Variants in SAMD14 observed in about 807,000 individuals in gnomAD.
SAMD14 encodes sterile alpha motif domain containing 14.
A neutral mutation model predicts 46.2 loss-of-function variants in SAMD14; 27 were observed. The ratio of observed to expected loss-of-function variants is 0.58; its 90% CI spans 0.43 to 0.81. The LOEUF is 0.81. Ranked by LOEUF, SAMD14 falls within the 30% of genes least tolerant of loss-of-function variation. The pLI is 0.00. For missense variants in SAMD14, 559 were observed against 582.2 expected (o/e 0.96, Z 0.41); for synonymous variants, 241 against 254.3 (o/e 0.95, Z 0.50).
In SAMD14 at chr17:50,115,337, A is replaced by G. The variant is rs182110268; in HGVS notation, c.822+227T>C. Among the ~76,000 whole-genome samples the G allele has an allele frequency of 5.6e-4, 86 of 152,364 alleles. No homozygotes were observed. Among genetic ancestry groups the G allele is most frequent in the African/African-American group, 2.0e-3 (82 of 41,590 alleles). The stretch of plus-strand genomic sequence containing the variant: ...CAGTGTTTAGTGATTTGTTGAATGC[A>G]TGAAGCATTGACTGAATCAAGGAAT... On this transcript the variant is annotated intron_variant, in intron 7 of 9. Transcript: ENST00000330175. The surrounding 1 kb of genome is among the most constrained non-coding windows in gnomAD (Gnocchi z 5.3).
At position 50,129,556 on chromosome 17, in the gene SAMD14, A is replaced by C. The variant is rs1598239248; in HGVS notation, c.-52T>G. The C allele has an allele frequency of 6.8e-6, 1 of 147,228 alleles. No homozygotes were observed. Among genetic ancestry groups the C allele is most frequent in the East Asian group, 2.0e-4 (1 of 4,962 alleles). 9.1% of individuals were successfully genotyped at this position (147,228 alleles called of 1,614,324 possible). A position where few individuals can be genotyped will look rare whatever the true frequency, so the allele number is the denominator to read the frequency against. ...ATCTTCAGCGTCTGGCGCCCCGGGA[A>C]CCCCTCAGGCCCATGGTGCTCGAGG... On this transcript the variant is annotated 5_prime_UTR_variant, in exon 1 of 10. Coordinates refer to ENST00000330175, the MANE Select transcript of SAMD14 (RefSeq NM_001257359.2). This position sits in a 1 kb window ranked among gnomAD's most constrained non-coding sequence, Gnocchi z 5.6.
intron 4 of SAMD14, 39 bp downstream of exon 4, chr17:50,117,368 G>A (rs888434816): frequency 4.1e-5 from 52 of 1,278,882 alleles, no homozygotes; most frequent in Non-Finnish European, 4.9e-5. Context: ...CTGCGCCCGG[G>A]AGCGACCAGC....
At chr17:50,117,745 G>A (rs756674510) in intron 3 of SAMD14, 50 bp from the exon 4 acceptor site, 3 of 1,386,190 alleles carry the variant, frequency 2.2e-6, no homozygotes, top group East Asian at 5.7e-5. Flanking sequence ...TCCCTTCCCG[G>A]AGGAGCTGGG....
chr17:50,125,401 T>C (rs141299248), intron 1 of SAMD14: 1 of 177,252 alleles, frequency 5.6e-6, no homozygotes, highest in South Asian at 1.3e-4. Context: ...AATCCTCTCA[T>C]GTTACAAATG....
intron 1 of SAMD14, among the ~76,000 whole-genome samples, chr17:50,126,527 G>A (rs1443919734): frequency 1.3e-5 from 2 of 151,900 alleles, no homozygotes; most frequent in Non-Finnish European, 2.9e-5. Context: ...GGATGGTCTT[G>A]ATCTCCTGAC....
At chr17:50,125,048 G>A in intron 1 of SAMD14, 77 bp from the exon 2 acceptor site, 2 of 1,347,384 alleles carry the variant, frequency 1.5e-6, no homozygotes, top group Non-Finnish European at 2.1e-6. Context: ...CAGAAGAGAT[G>A]TGGAAGGCTA....
In SAMD14 at chr17:50,110,041, G is replaced by A. The variant is rs781574883; in HGVS notation, c.*2852C>T. The A allele has an allele frequency of 5.0e-6, 8 of 1,610,924 alleles. No individual in the cohort carries two copies. Among genetic ancestry groups the A allele is most frequent in the Non-Finnish European group, 6.8e-6 (8 of 1,178,894 alleles). On this transcript the variant is annotated 3_prime_UTR_variant, in exon 10 of 10. Coordinates refer to ENST00000330175, the MANE Select transcript of SAMD14 (RefSeq NM_001257359.2). ...CTACCAGACCATCCAGGAGGCCGGC[G>A]ACTGGTGTGTGCCCAGCACGGAGCC... is the stretch of plus-strand genomic sequence containing the variant.
chr17:50,128,826 T>TG (rs1228370276), intron 1 of SAMD14, among the ~76,000 whole-genome samples: 1 of 134,488 alleles, frequency 7.4e-6, no homozygotes, highest in African/African-American at 2.8e-5. Context: ...ACACCGAGAG[T>TG]GGGGCCACGG....
At position 50,112,919 on chromosome 17, in the gene SAMD14, G is replaced by A. The variant is rs201680974; in HGVS notation, c.1228C>T (p.Arg410Ter). Residue 410 changes from arginine (R) to a stop codon, truncating the protein, a stop_gained, in exon 10 of 10, where the codon CGA becomes TGA. Coordinates refer to ENST00000330175, the MANE Select transcript of SAMD14 (RefSeq NM_001257359.2). LOFTEE classifies it high-confidence loss of function. ...TAGCTCTTCTTGGCCTCCTGCTCTC[G>A]GCGCCGGAGCTTCTCCCGCTGCCGC... ...AARQREKLRR[R>*]EQEAKKS The A allele has an allele frequency of 4.1e-5, 66 of 1,606,938 alleles. No homozygotes were observed. Among genetic ancestry groups the A allele is most frequent in the Admixed American group, 3.5e-4 (21 of 59,994 alleles).
intron 3 of SAMD14, 167 bp downstream of exon 3, chr17:50,117,993 AG>A: frequency 1.3e-6 from 1 of 780,188 alleles, no homozygotes; most frequent in Non-Finnish European, 2.0e-6. Flanking sequence ...TTCTTTACAC[AG>A]GATTAAATGA....
chr17:50,116,166 T>C, intron 4 of SAMD14, 76 bp from the exon 5 acceptor site: 4 of 1,528,820 alleles, frequency 2.6e-6, no homozygotes, highest in Non-Finnish European at 3.5e-6. Context: ...TGTGGGGTGG[T>C]AGAAATTCTC....
chr17:50,122,491 C>T lies in SAMD14; in HGVS notation c.43+2426G>A, dbSNP rs751496249. Reference sequence around the variant, plus strand: ...CAATCCTCTGCCCAGCACTCCCCACCGTCTAGTATGTTCCTTGTTTATTTG... The same window carrying T: ...CAATCCTCTGCCCAGCACTCCCCACTGTCTAGTATGTTCCTTGTTTATTTG... On this transcript the variant is annotated intron_variant, in intron 2 of 9. Transcript: ENST00000330175. 6.6e-5 allele frequency among the ~76,000 whole-genome samples: 10 copies of T among 152,256 alleles called. No individual in the cohort carries two copies. In the East Asian group the frequency reaches 9.6e-4, roughly 15 times the overall value.
At chr17:50,119,936 G>C (rs1598229158) in intron 2 of SAMD14, among the ~76,000 whole-genome samples, 1 of 152,004 alleles carries the variant, frequency 6.6e-6, no homozygotes, top group East Asian at 1.9e-4. Flanking sequence ...TGAACCCCTG[G>C]AGTCATTCTT....
At chr17:50,126,453 C>T (rs925356859) in intron 1 of SAMD14, among the ~76,000 whole-genome samples, 2 of 151,964 alleles carry the variant, frequency 1.3e-5, no homozygotes, top group Non-Finnish European at 2.9e-5. Context: ...TACAGTCGCC[C>T]ACCACCACGC....
intron 9 of SAMD14, chr17:50,113,276 C>T: frequency 3.8e-6 from 2 of 523,696 alleles, no homozygotes; most frequent in Non-Finnish European, 6.8e-6. Context: ...TTAGGCGCTT[C>T]CTCCTCCTCC....
At chr17:50,124,771 G>GCGCGCGCACACA (rs71353620) in intron 2 of SAMD14, 146 bp downstream of exon 2, 136 of 569,648 alleles carry the variant, frequency 2.4e-4, no homozygotes, top group East Asian at 8.6e-4. Flanking sequence ...ACGCGCGCGC[G>GCGCGCGCACACA]CACACACACA....
intron 2 of SAMD14, among the ~76,000 whole-genome samples, chr17:50,120,470 T>C (rs1911451443): frequency 6.6e-6 from 1 of 152,190 alleles, no homozygotes; most frequent in African/African-American, 2.4e-5. Context: ...CTAGCTGGTC[T>C]TCCTTCCGTC....
chr17:50,118,173 C>T lies in SAMD14; in HGVS notation c.198G>A (p.Gly66=). The T allele has an allele frequency of 1.9e-6, 3 of 1,598,284 alleles. No individual in the cohort carries two copies. The highest frequency in any genetic ancestry group is 1.7e-6 in the Non-Finnish European group (2 of 1,169,938). The change falls in exon 3 of 10, where the codon GGG becomes GGA. Residue 66 remains glycine, a synonymous_variant. Coordinates refer to ENST00000330175, the MANE Select transcript of SAMD14 (RefSeq NM_001257359.2). ...SSAEDGEGSD[G]PGGKVTDGCG... Reference sequence around the variant, plus strand: ...AACTTGCCCCAACCTTGCCTCCGGGCCCATCCGAGCCTTCACCATCCTCCG... The same window carrying T: ...AACTTGCCCCAACCTTGCCTCCGGGTCCATCCGAGCCTTCACCATCCTCCG...
At chr17:50,127,836 A>T (rs1360727863) in intron 1 of SAMD14, among the ~76,000 whole-genome samples, 1 of 152,200 alleles carries the variant, frequency 6.6e-6, no homozygotes, top group Non-Finnish European at 1.5e-5. Context: ...TGATTCAACC[A>T]CAAAGCCTTA....
Sources: gnomAD v4.1 joint callset for allele counts (sites outside exome capture counted in the v4.1 genomes callset) on GRCh38, gnomAD v4.1.1 for gene constraint, Gnocchi (gnomAD v3.1) non-coding constraint, MANE v1.5 for transcripts, NCBI Gene and HGNC (gene_info 2026-07-23, HGNC 2026-07-21) for gene names.